The following ATF1 variants were observed in gnomAD, a reference collection of about 807,000 sequenced individuals.
ATF1 encodes cyclic AMP-dependent transcription factor ATF-1.
ATF1 carries 16 observed loss-of-function variants against 34.7 expected under a neutral mutation model. The ratio of observed to expected loss-of-function variants is 0.46; its 90% CI spans 0.31 to 0.70. The LOEUF (loss-of-function observed/expected upper bound fraction) is 0.70, where lower values mean the gene tolerates loss of function less well. ATF1 is among the 30% of genes least tolerant of loss of function. The pLI, the probability that ATF1 is intolerant of heterozygous loss-of-function variation, is 0.05. For synonymous variants in ATF1, 105 were observed against 113.1 expected (o/e 0.93, Z 0.46); for missense variants, 255 against 321.6 (o/e 0.79, Z 1.58).
At chr12:50,811,649 A>G (rs1484639509) in intron 4 of ATF1, among the ~76,000 whole-genome samples, 3 of 150,636 alleles carry the variant, frequency 2.0e-5, no homozygotes, top group Admixed American at 2.0e-4. Flanking sequence ...AAAAAAAAAA[A>G]GCCGGGCATC....
At chr12:50,769,307 C>G (rs1940714920) in intron 1 of ATF1, among the ~76,000 whole-genome samples, 1 of 152,020 alleles carries the variant, frequency 6.6e-6, no homozygotes, top group Admixed American at 6.6e-5. Flanking sequence ...GAGTTTGAGA[C>G]CAGTCTGGCC....
chr12:50,786,026 C>T (rs1311267993), intron 2 of ATF1, among the ~76,000 whole-genome samples: 1 of 152,086 alleles, frequency 6.6e-6, no homozygotes, highest in East Asian at 1.9e-4. Flanking sequence ...GACAAAGTCC[C>T]AAACACCAGG....
At chr12:50,784,963 T>C (rs1469336056) in intron 2 of ATF1, among the ~76,000 whole-genome samples, 1 of 151,752 alleles carries the variant, frequency 6.6e-6, no homozygotes, top group Non-Finnish European at 1.5e-5. Context: ...TAGTTACATA[T>C]GTATACATGT....
At chr12:50,813,772 C>T (rs1424976464) in intron 4 of ATF1, among the ~76,000 whole-genome samples, 1 of 151,988 alleles carries the variant, frequency 6.6e-6, no homozygotes. Context: ...CGAGATCGTG[C>T]CACTGCACTC....
intron 1 of ATF1, among the ~76,000 whole-genome samples, chr12:50,776,408 A>T (rs576573912): frequency 7.4e-5 from 11 of 149,322 alleles, no homozygotes; most frequent in African/African-American, 2.7e-4. Flanking sequence ...TGTGAAGATC[A>T]CTTGAGCCCA....
chr12:50,779,872 GTCA>G (rs898215280), intron 1 of ATF1, among the ~76,000 whole-genome samples: 3 of 152,134 alleles, frequency 2.0e-5, no homozygotes, highest in Non-Finnish European at 4.4e-5. Flanking sequence ...CAGGAGGACT[GTCA>G]TCATTCTTCA....
intron 3 of ATF1, among the ~76,000 whole-genome samples, chr12:50,796,894 AAT>A (rs1941419198): frequency 6.6e-6 from 1 of 152,180 alleles, no homozygotes. Context: ...GCTACAAAAA[AAT>A]AAATAAATGG....
intron 2 of ATF1, among the ~76,000 whole-genome samples, chr12:50,787,685 T>C (rs1348468642): frequency 1.3e-5 from 2 of 151,598 alleles, no homozygotes; most frequent in African/African-American, 4.9e-5. Flanking sequence ...GAGGTTGCAG[T>C]GAGCCAACAT....
chr12:50,788,338 A>G (rs1366723008), intron 2 of ATF1: 1 of 394,056 alleles, frequency 2.5e-6, no homozygotes, highest in Admixed American at 3.3e-5. Context: ...GTGTGCCATC[A>G]CATCCGGCTA....
intron 1 of ATF1, among the ~76,000 whole-genome samples, chr12:50,771,089 T>C (rs1327890578): frequency 3.3e-5 from 5 of 152,120 alleles, no homozygotes; most frequent in Non-Finnish European, 7.4e-5. Flanking sequence ...CACTGCAGCC[T>C]CCGCCTCCTG....
rs1365091387 is a variant in ATF1, at chr12:50,800,040, A to G, written c.194+4031A>G. On this transcript the variant is annotated intron_variant, in intron 3 of 6. Coordinates refer to ENST00000262053, the MANE Select transcript of ATF1 (RefSeq NM_005171.5). ...CTCTAAACAGGATAAACACAAATAA[A>G]TCATTGCCCAGACTTACCATAATCA... Among the ~76,000 whole-genome samples, 9 of 152,242 alleles carry G rather than the reference A, an allele frequency of 5.9e-5. 1 individual carries two copies. Among genetic ancestry groups the G allele is most frequent in the Admixed American group, 2.6e-4 (4 of 15,272 alleles).
intron 3 of ATF1, among the ~76,000 whole-genome samples, chr12:50,800,680 A>G (rs1161927120): frequency 1.3e-5 from 2 of 152,222 alleles, no homozygotes. Context: ...TGAGAATCTA[A>G]TATCTGATGA....
intron 3 of ATF1, 74 bp from the exon 4 acceptor site, chr12:50,809,373 CAAAAAAAAA>C: frequency 1.3e-6 from 1 of 758,210 alleles, no homozygotes; most frequent in South Asian, 2.2e-5. Flanking sequence ...GATCTTGTCT[CAAAAAAAAA>C]AAAAAAAAAA....
intron 3 of ATF1, among the ~76,000 whole-genome samples, chr12:50,803,236 C>T (rs1043080481): frequency 6.7e-6 from 1 of 148,738 alleles, no homozygotes; most frequent in Non-Finnish European, 1.5e-5. Context: ...CCACTGTGCT[C>T]CAGCTTGGGT....
At position 50,790,166 on chromosome 12, in the gene ATF1, T is replaced by C. The variant is rs1341573372; in HGVS notation, c.94-5743T>C. ...TGTTTTCCAAGTGTAATGGTAACTC[T>C]AGAGCTGGACTCTCAAGACTTGTGG... is the stretch of plus-strand genomic sequence containing the variant. On this transcript the variant is annotated intron_variant, in intron 2 of 6. Transcript: ENST00000262053. Among the ~76,000 whole-genome samples the C allele has an allele frequency of 2.0e-5, 3 of 151,760 alleles. No homozygotes were observed. The South Asian group carries it at 6.2e-4, about 32-fold the overall frequency.
At chr12:50,801,378 T>C (rs573532342) in intron 3 of ATF1, among the ~76,000 whole-genome samples, 1 of 152,180 alleles carries the variant, frequency 6.6e-6, no homozygotes, top group Non-Finnish European at 1.5e-5. Flanking sequence ...AATTAAATTT[T>C]GAAAAGTCTT....
At position 50,819,912 on chromosome 12, in the gene ATF1, C is replaced by G. The variant is rs750138687; in HGVS notation, c.*133C>G. On this transcript the variant is annotated 3_prime_UTR_variant, in exon 7 of 7. Transcript: ENST00000262053. ...TTCCAAATCAAGGATAAATATCTTA[C>G]GCACGATATCTAGTGACAGAGGAGA... 2 of 746,906 alleles carry G rather than the reference C, an allele frequency of 2.7e-6. No homozygotes were observed. The highest frequency in any genetic ancestry group is 3.7e-5 in the African/African-American group (2 of 54,448). 46.3% of individuals were successfully genotyped at this position (746,906 alleles called of 1,614,324 possible).
At chr12:50,768,644 AAG>A (rs1188974316) in intron 1 of ATF1, among the ~76,000 whole-genome samples, 1 of 150,964 alleles carries the variant, frequency 6.6e-6, no homozygotes, top group African/African-American at 2.4e-5. Context: ...ATTTATATAA[AAG>A]AGCTCTGATT....
intron 3 of ATF1, among the ~76,000 whole-genome samples, chr12:50,801,535 A>G (rs767926334): frequency 2.3e-4 from 35 of 152,220 alleles, no homozygotes; most frequent in Non-Finnish European, 3.8e-4. Context: ...AACTAGACCA[A>G]TATCCTTCAT....
Sources: allele counts gnomAD v4.1 joint callset (sites outside exome capture counted in the v4.1 genomes callset), GRCh38; gene constraint gnomAD v4.1.1; transcripts MANE v1.5; gene names NCBI Gene and HGNC (gene_info 2026-07-23, HGNC 2026-07-21).